SOX30: variants seen among roughly 807,000 people sequenced by gnomAD.
SOX30 encodes the protein transcription factor SOX-30.
SOX30 carries 17 observed loss-of-function variants against 58.6 expected under a neutral mutation model. The observed-to-expected ratio is 0.29, with a 90% confidence interval of 0.20 to 0.44. SOX30 has a LOEUF of 0.44. SOX30 is among the 20% of genes least tolerant of loss of function. SOX30 has a pLI of 1.00. For missense variants in SOX30, 951 were observed against 965.8 expected (o/e 0.98, Z 0.20); for synonymous variants, 421 against 400.2 (o/e 1.05, Z -0.62).
chr5:157,666,894 C>T lies in SOX30; in HGVS notation c.52+904G>A, dbSNP rs150992472. On this transcript the variant is annotated intron_variant, in intron 2 of 5. Coordinates refer to the SOX30 transcript ENST00000519442. ...CTAATTTTTGTGTTTTCAGTAGGGA[C>T]GGGGTTTCATCATGTTGGCCAGGCT... 8.3e-3 allele frequency among the ~76,000 whole-genome samples: 1,269 copies of T among 152,140 alleles called. 18 individuals carry two copies. Among genetic ancestry groups the T allele is most frequent in the African/African-American group, 0.029 (1,203 of 41,502 alleles).
chr5:157,668,677 T>C (rs1283804451), intron 1 of SOX30, among the ~76,000 whole-genome samples: 1 of 152,210 alleles, frequency 6.6e-6, no homozygotes, highest in East Asian at 1.9e-4. Context: ...GTGACACCTC[T>C]GGCTTTTCCT....
chr5:157,655,474 T>C (rs1276700086), upstream of SOX30, among the ~76,000 whole-genome samples: 2 of 152,208 alleles, frequency 1.3e-5, no homozygotes, highest in South Asian at 2.1e-4. Flanking sequence ...CACTACGGTA[T>C]GTTAACTTCT....
intron 4 of SOX30, among the ~76,000 whole-genome samples, chr5:157,628,621 A>G (rs1198859657): frequency 1.3e-5 from 2 of 149,538 alleles, no homozygotes. Context: ...TTTAATACAC[A>G]TGTCCTGAAT....
chr5:157,663,897 G>A (rs1484990525), intron 2 of SOX30, among the ~76,000 whole-genome samples: 1 of 152,144 alleles, frequency 6.6e-6, no homozygotes, highest in Non-Finnish European at 1.5e-5. Context: ...TACAAGGGAT[G>A]TGAAGGACCT....
chr5:157,664,529 C>A (rs4616875), intron 2 of SOX30, among the ~76,000 whole-genome samples: 1 of 152,160 alleles, frequency 6.6e-6, no homozygotes. Context: ...AGGACATAGG[C>A]GTGGGCAAGG....
chr5:157,670,210 G>A (rs1383555040), intron 1 of SOX30, among the ~76,000 whole-genome samples: 1 of 152,232 alleles, frequency 6.6e-6, no homozygotes, highest in Non-Finnish European at 1.5e-5. Flanking sequence ...GTGATAGGAG[G>A]AGGGTCAGTC....
At chr5:157,639,295 T>G (rs1263721568) in intron 3 of SOX30, among the ~76,000 whole-genome samples, 1 of 152,140 alleles carries the variant, frequency 6.6e-6, no homozygotes, top group Non-Finnish European at 1.5e-5. Flanking sequence ...AATATATTAA[T>G]CTTATTTTTA....
chr5:157,659,572 A>G (rs1049021676), intron 2 of SOX30, among the ~76,000 whole-genome samples: 7 of 152,220 alleles, frequency 4.6e-5, no homozygotes, highest in Admixed American at 4.6e-4. Flanking sequence ...CCTTCCATCT[A>G]TGTACTATAA....
intron 3 of SOX30, among the ~76,000 whole-genome samples, 169 bp from the exon 4 acceptor site, chr5:157,638,891 C>T (rs1758995979): frequency 6.6e-6 from 1 of 152,138 alleles, no homozygotes; most frequent in African/African-American, 2.4e-5. Context: ...TTTGAACAAA[C>T]TGAAGTTATC....
At chr5:157,654,123 C>T (rs1759423659), upstream of SOX30, among the ~76,000 whole-genome samples, 1 of 151,360 alleles carries the variant, frequency 6.6e-6, no homozygotes, top group Non-Finnish European at 1.5e-5. Flanking sequence ...CGAGATCGTG[C>T]CACTGCACTC....
At chr5:157,662,804 G>A (rs1286885713) in intron 2 of SOX30, among the ~76,000 whole-genome samples, 1 of 152,170 alleles carries the variant, frequency 6.6e-6, no homozygotes, top group Non-Finnish European at 1.5e-5. Context: ...TGGAGGCTTT[G>A]TCTGCATGAT....
At chr5:157,667,342 C>A (rs1326157831) in intron 2 of SOX30, among the ~76,000 whole-genome samples, 2 of 152,222 alleles carry the variant, frequency 1.3e-5, no homozygotes, top group Non-Finnish European at 2.9e-5. Context: ...TGTTTGAACA[C>A]AACTTCATTT....
chr5:157,651,458 G>A lies in SOX30; in HGVS notation c.621C>T (p.Ile207=), dbSNP rs138710640. 153 of 1,613,384 alleles carry A rather than the reference G, an allele frequency of 9.5e-5. No individual in the cohort carries two copies. In the African/African-American group the frequency reaches 1.8e-3, roughly 19 times the overall value. ...QGGAGKSPAA[I]REGVIKTEEP... is the part of the protein sequence containing the mutation. ...CCTCCGTTTTGATCACACCTTCTCG[G>A]ATGGCTGCCGGGCTTTTGCCTGCCC... is the stretch of plus-strand genomic sequence containing the variant. Residue 207 remains isoleucine (I), a synonymous_variant, in exon 1 of 5, where the codon ATC becomes ATT. Transcript: ENST00000265007.
intron 3 of SOX30, among the ~76,000 whole-genome samples, chr5:157,645,569 G>A (rs1759168665): frequency 1.3e-5 from 2 of 151,934 alleles, no homozygotes; most frequent in African/African-American, 2.4e-5. Context: ...GCCTGAGGTG[G>A]GAGAATCACT....
chr5:157,644,218 C>T (rs1447009866), intron 3 of SOX30, among the ~76,000 whole-genome samples: 4 of 152,170 alleles, frequency 2.6e-5, no homozygotes, highest in Non-Finnish European at 5.9e-5. Context: ...TAGTCTCGAA[C>T]TCCTAGGCTC....
At chr5:157,639,589 T>C (rs1187927477) in intron 3 of SOX30, among the ~76,000 whole-genome samples, 1 of 152,104 alleles carries the variant, frequency 6.6e-6, no homozygotes, top group Admixed American at 6.6e-5. Flanking sequence ...GGTGAAACAA[T>C]TAATGTGTTT....
At position 157,652,071 on chromosome 5, in the gene SOX30, C is replaced by T. The variant is rs1018689169; in HGVS notation, c.8G>A (p.Arg3Lys). 28 of 1,417,164 alleles carry T rather than the reference C, an allele frequency of 2.0e-5. No individual in the cohort carries two copies. Among genetic ancestry groups the T allele is most frequent in the Non-Finnish European group, 2.5e-5 (27 of 1,093,790 alleles). 87.8% of individuals were successfully genotyped at this position (1,417,164 alleles called of 1,614,324 possible). Residue 3 changes from arginine to lysine, a missense_variant, in exon 1 of 5, where the codon AGA becomes AAA. This residue lies in a region of SOX30 where 363 missense variants were observed against 294.5 expected (regional missense o/e 1.23). Coordinates refer to ENST00000265007, the MANE Select transcript of SOX30 (RefSeq NM_178424.2). ...CTGAGGCGGCGGCTCGGGTCTGGCT[C>T]TCTCCATGGGGGAGGGGGACGCCCC... is the stretch of plus-strand genomic sequence containing the variant. ME[R>K]ARPEPPPQPR...
At chr5:157,658,343 C>T (rs1759517949) in intron 2 of SOX30, among the ~76,000 whole-genome samples, 1 of 152,160 alleles carries the variant, frequency 6.6e-6, no homozygotes, top group African/African-American at 2.4e-5. Flanking sequence ...AACTGTGGTA[C>T]ACTTGTTATT....
chr5:157,670,303 C>T (rs368619130), intron 1 of SOX30, among the ~76,000 whole-genome samples: 48 of 152,210 alleles, frequency 3.2e-4, no homozygotes, highest in African/African-American at 1.2e-3. Context: ...GTCATGGCCC[C>T]TTTTTTCAGA....
Sources: allele counts gnomAD v4.1 joint callset (sites outside exome capture counted in the v4.1 genomes callset), GRCh38; gene constraint gnomAD v4.1.1; regional missense constraint gnomAD v4.1.1; transcripts MANE v1.5; gene names NCBI Gene and HGNC (gene_info 2026-07-23, HGNC 2026-07-21).